The following PTCD3 variants were observed in gnomAD, a reference collection of about 807,000 sequenced individuals.
The protein encoded by PTCD3 is pentatricopeptide repeat domain 3.
A neutral mutation model predicts 101.9 loss-of-function variants in PTCD3; 89 were observed. The ratio of observed to expected loss-of-function variants is 0.87; its 90% CI spans 0.74 to 1.04. The LOEUF (loss-of-function observed/expected upper bound fraction) is 1.04. Ranked by LOEUF, PTCD3 falls within the 50% of genes least tolerant of loss-of-function variation. PTCD3 has a pLI of 0.00. For missense variants in PTCD3, 870 were observed against 828.2 expected (o/e 1.05, Z -0.62); for synonymous variants, 296 against 278.5 (o/e 1.06, Z -0.63).
At chr2:86,110,897 C>T in intron 3 of PTCD3, 2 of 734,194 alleles carry the variant, frequency 2.7e-6, no homozygotes, top group South Asian at 2.9e-5. Context: ...TGCACCAGGC[C>T]AGAGAGGACA....
In PTCD3 at chr2:86,137,003, T is replaced by C; in HGVS notation, c.1842T>C (p.Leu614=). ...ACAGAAGTGAGTTGCTGAATGAGCT[T>C]ATGGACAGTGCAAAAGTGTCTAACA... ...KIPRSELLNE[L]MDSAKVSNSP... Residue 614 remains leucine, a synonymous_variant, in exon 23 of 24, where the codon CTT becomes CTC. Transcript: ENST00000254630. 6.2e-7 allele frequency: 1 copy of C among 1,613,686 alleles called. No homozygotes were observed. Among genetic ancestry groups the C allele is most frequent in the Non-Finnish European group, 8.5e-7 (1 of 1,179,954 alleles).
intron 21 of PTCD3, chr2:86,136,053 TAA>T (rs1440721132): frequency 7.7e-6 from 4 of 518,292 alleles, no homozygotes; most frequent in East Asian, 1.1e-4. Context: ...TGCTGTACTT[TAA>T]GAGAGGGAAA....
intron 23 of PTCD3, 24 bp from the exon 24 acceptor site, chr2:86,137,445 T>TC: frequency 6.2e-7 from 1 of 1,612,548 alleles, no homozygotes; most frequent in South Asian, 1.1e-5. Flanking sequence ...TGCAGTGTAA[T>TC]CCTCCATTTT....
intron 4 of PTCD3, 86 bp from the exon 5 acceptor site, chr2:86,116,443 AG>A: frequency 9.1e-7 from 1 of 1,093,000 alleles, no homozygotes. Flanking sequence ...AGGCTGAGGC[AG>A]GAGAATCCCT....
chr2:86,111,499 A>T (rs1674083374), intron 4 of PTCD3, among the ~76,000 whole-genome samples: 1 of 151,828 alleles, frequency 6.6e-6, no homozygotes, highest in African/African-American at 2.4e-5. Flanking sequence ...GAGGCAGGAG[A>T]ATGGCGTGAA....
chr2:86,111,544 C>T (rs554750571), intron 4 of PTCD3, among the ~76,000 whole-genome samples: 27 of 151,628 alleles, frequency 1.8e-4, no homozygotes, highest in East Asian at 1.6e-3. Context: ...GGAGAGATCG[C>T]GCCACTGCAC....
At position 86,120,242 on chromosome 2, in the gene PTCD3, T is replaced by C. The variant is rs140124726; in HGVS notation, c.538+1198T>C. On this transcript the variant is annotated intron_variant, in intron 7 of 23. Coordinates refer to ENST00000254630, the MANE Select transcript of PTCD3 (RefSeq NM_017952.6). ...TCTTTTTCTAGTTTTACCCCCTTTA[T>C]TGGATAGGTGTGTGCAGTCCTTCAG... is the stretch of plus-strand genomic sequence containing the variant. Among the ~76,000 whole-genome samples the C allele has an allele frequency of 2.5e-3, 386 of 152,244 alleles. 2 individuals carry two copies. The highest frequency in any genetic ancestry group is 3.3e-3 in the Non-Finnish European group (226 of 68,012).
Position 86,106,311 on chromosome 2 carries a change from G to A in PTCD3, c.64G>A (p.Gly22Ser), listed in dbSNP as rs1162159704. 8.7e-6 allele frequency: 14 copies of A among 1,614,072 alleles called. No homozygotes were observed. The highest frequency in any genetic ancestry group is 1.1e-5 in the Non-Finnish European group (13 of 1,180,002). ...LRSRLGQPLT[G>S]RRAGLCEQAR... ...CAGCAGGCTTGGCCAGCCGCTGACG[G>A]GTCGGCGGGCGGGTTTGTGTGAACA... Residue 22 changes from glycine to serine, a missense_variant, in exon 1 of 24, where the codon GGT becomes AGT. Gly to Ser is a moderately conservative substitution (Grantham distance 56, BLOSUM62 0). Coordinates refer to ENST00000254630, the MANE Select transcript of PTCD3 (RefSeq NM_017952.6).
At chr2:86,110,369 A>G (rs1674054312) in intron 3 of PTCD3, among the ~76,000 whole-genome samples, 1 of 152,254 alleles carries the variant, frequency 6.6e-6, no homozygotes, top group African/African-American at 2.4e-5. Flanking sequence ...CAGATGACTT[A>G]TAGTCTTAAG....
rs754290594 is a variant in PTCD3 at position 86,108,497 on chromosome 2, T to C, written c.158-3T>C. ...CTGATTCATGTTTTCTTTTTTACAT[T>C]AGGGATTGAAGAAGTAGTAATTCCA... is the stretch of plus-strand genomic sequence containing the variant. On this transcript the variant is annotated splice_region_variant and splice_polypyrimidine_tract_variant and intron_variant, in intron 2 of 23. Transcript: ENST00000254630. 4 of 1,594,662 alleles carry C rather than the reference T, an allele frequency of 2.5e-6. No individual in the cohort carries two copies. Among genetic ancestry groups the C allele is most frequent in the African/African-American group, 2.7e-5 (2 of 73,590 alleles).
intron 8 of PTCD3, 130 bp downstream of exon 8, chr2:86,121,724 A>G (rs1175345703): frequency 3.8e-6 from 2 of 529,716 alleles, no homozygotes; most frequent in African/African-American, 3.9e-5. Context: ...GTGTGGTACG[A>G]TAGCCTTGAT....
intron 19 of PTCD3, 31 bp downstream of exon 19, chr2:86,133,467 A>G (rs1674528915): frequency 6.5e-7 from 1 of 1,536,190 alleles, no homozygotes; most frequent in Non-Finnish European, 9.0e-7. Context: ...GTCCAGGTGC[A>G]TCTCACCTCA....
intron 7 of PTCD3, 28 bp downstream of exon 7, chr2:86,119,072 AAT>A (rs1558795748): frequency 6.2e-7 from 1 of 1,610,920 alleles, no homozygotes; most frequent in Admixed American, 1.7e-5. Context: ...AAGCCCCTCT[AAT>A]AACATGGGCT....
chr2:86,134,293 T>A lies in PTCD3; in HGVS notation c.1545T>A (p.Asp515Glu), dbSNP rs777218738. 7 of 1,603,808 alleles carry A rather than the reference T, an allele frequency of 4.4e-6. No individual in the cohort carries two copies. The highest frequency in any genetic ancestry group is 5.1e-6 in the Non-Finnish European group (6 of 1,170,840). The change falls in exon 20 of 24, where the codon GAT (aspartate) becomes GAA (glutamate). Residue 515 changes from aspartate to glutamate, a missense_variant and splice_region_variant. By Grantham distance (45) the Asp-to-Glu change is conservative (BLOSUM62 2). Coordinates refer to ENST00000254630, the MANE Select transcript of PTCD3 (RefSeq NM_017952.6). ...RLEVIPKIWK[D>E]SKEYGHTFRS... is the part of the protein sequence containing the mutation. Reference sequence around the variant, plus strand: ...TCCTTGTTCCTTTCTTGTTTCAAGATAGTAAAGAATATGGTCATACTTTCC... The same window carrying A: ...TCCTTGTTCCTTTCTTGTTTCAAGAAAGTAAAGAATATGGTCATACTTTCC...
In PTCD3 at chr2:86,119,057, G is replaced by A. The variant is rs2303339; in HGVS notation, c.538+13G>A. ...CTTTTGCAAGCAGGTGACTGAGTTC[G>A]ATTAAAGCCCCTCTAATAACATGGG... On this transcript the variant is annotated intron_variant, in intron 7 of 23. Coordinates refer to ENST00000254630, the MANE Select transcript of PTCD3 (RefSeq NM_017952.6). 73,386 of 1,612,010 alleles carry A rather than the reference G, an allele frequency of 0.046. 2,679 individuals carry two copies. Among genetic ancestry groups the A allele is most frequent in the African/African-American group, 0.16 (11,914 of 74,674 alleles).
At chr2:86,129,107 TAA>T (rs1674449713) in intron 14 of PTCD3, among the ~76,000 whole-genome samples, 2 of 152,258 alleles carry the variant, frequency 1.3e-5, no homozygotes, top group Admixed American at 1.3e-4. Context: ...AGGAACCAGT[TAA>T]TTGACTATAC....
chr2:86,115,066 G>T (rs1012241146), intron 4 of PTCD3, among the ~76,000 whole-genome samples: 1 of 152,148 alleles, frequency 6.6e-6, no homozygotes, highest in African/African-American at 2.4e-5. Flanking sequence ...AGGGAAGCAG[G>T]TGTTTGGCAC....
intron 21 of PTCD3, chr2:86,136,013 A>G (rs1674578619): frequency 1.9e-6 from 1 of 519,086 alleles, no homozygotes; most frequent in East Asian, 5.4e-5. Flanking sequence ...CCTGCACTTC[A>G]TAACAGAATT....
rs550117761 is a variant in PTCD3, at chr2:86,118,342, G to A, written c.415-579G>A. Among the ~76,000 whole-genome samples the A allele has an allele frequency of 6.1e-4, 93 of 152,224 alleles. 1 individual carries two copies. The highest frequency in any genetic ancestry group is 5.9e-5 in the Non-Finnish European group (4 of 68,014). Reference sequence around the variant, plus strand: ...TGGTGAGCAAAACAGATGCGCCTCTGCCCTCCTGAGTTTGTTGGTGGAAGT... The same window carrying A: ...TGGTGAGCAAAACAGATGCGCCTCTACCCTCCTGAGTTTGTTGGTGGAAGT... On this transcript the variant is annotated intron_variant, in intron 6 of 23. Coordinates refer to ENST00000254630, the MANE Select transcript of PTCD3 (RefSeq NM_017952.6).
Sources: gnomAD v4.1 joint callset for allele counts (sites outside exome capture counted in the v4.1 genomes callset) on GRCh38, gnomAD v4.1.1 for gene constraint, MANE v1.5 for transcripts, NCBI Gene and HGNC (gene_info 2026-07-23, HGNC 2026-07-21) for gene names.